Variants in ASXL2 observed in about 807,000 individuals in gnomAD.
ASXL2 encodes the protein ASXL transcriptional regulator 2, also known as putative Polycomb group protein ASXL2.
A neutral mutation model predicts 122.0 loss-of-function variants in ASXL2; 23 were observed. The ratio of observed to expected loss-of-function variants is 0.19; its 90% CI spans 0.14 to 0.27. The LOEUF is 0.27. Ranked by LOEUF, ASXL2 falls within the 10% of genes least tolerant of loss-of-function variation. ASXL2 has a pLI of 1.00. For synonymous variants in ASXL2, 650 were observed against 637.0 expected (o/e 1.02, Z -0.31); for missense variants, 1,518 against 1,713.8 (o/e 0.89, Z 2.02).
At chr2:25,824,720 G>T (rs2089355702) in intron 3 of ASXL2, among the ~76,000 whole-genome samples, 1 of 152,118 alleles carries the variant, frequency 6.6e-6, no homozygotes, top group Non-Finnish European at 1.5e-5. Flanking sequence ...GCAAAATTAT[G>T]ATTCTTAATG....
chr2:25,820,381 T>C (rs920443125), intron 3 of ASXL2, among the ~76,000 whole-genome samples: 2 of 152,168 alleles, frequency 1.3e-5, no homozygotes, highest in Admixed American at 1.3e-4. Flanking sequence ...CAATATACCA[T>C]ATAAAGTTAA....
chr2:25,762,614 G>C (rs1412704989), intron 8 of ASXL2, among the ~76,000 whole-genome samples: 1 of 137,786 alleles, frequency 7.3e-6, no homozygotes, highest in South Asian at 2.3e-4. Flanking sequence ...GCAGTGACCC[G>C]AGATCGCACC....
intron 3 of ASXL2, among the ~76,000 whole-genome samples, chr2:25,821,354 C>G (rs1229380892): frequency 7.1e-6 from 1 of 140,332 alleles, no homozygotes; most frequent in African/African-American, 2.7e-5. Flanking sequence ...AAGACCCTGT[C>G]AGGAAAGAAA....
intron 3 of ASXL2, among the ~76,000 whole-genome samples, chr2:25,808,292 T>A (rs992327770): frequency 6.6e-6 from 1 of 152,054 alleles, no homozygotes; most frequent in Non-Finnish European, 1.5e-5. Flanking sequence ...TAAGGAGAAA[T>A]CCAACACCAA....
chr2:25,848,449 T>C (rs1025988198), intron 1 of ASXL2, among the ~76,000 whole-genome samples: 1 of 151,702 alleles, frequency 6.6e-6, no homozygotes, highest in African/African-American at 2.4e-5. Flanking sequence ...GGTAAAACCC[T>C]GTCTCTACTA....
At chr2:25,863,328 C>CAAAAAAAAAA (rs2089861429) in intron 1 of ASXL2, among the ~76,000 whole-genome samples, 2 of 142,158 alleles carry the variant, frequency 1.4e-5, no homozygotes, top group African/African-American at 5.2e-5. Context: ...GACTCCATCT[C>CAAAAAAAAAA]CAAAAAAAAA....
At chr2:25,822,756 A>C in intron 3 of ASXL2, 1 of 619,626 alleles carries the variant, frequency 1.6e-6, no homozygotes, top group Non-Finnish European at 3.1e-6. Context: ...GGCAAAACTC[A>C]ATTGGCTTAG....
intron 5 of ASXL2, among the ~76,000 whole-genome samples, chr2:25,782,343 C>T (rs1315983087): frequency 1.3e-5 from 2 of 151,396 alleles, no homozygotes; most frequent in Non-Finnish European, 3.0e-5. Flanking sequence ...TCAGGAGTTT[C>T]AGACCAGCCA....
At chr2:25,819,052 C>T (rs142507850) in intron 3 of ASXL2, among the ~76,000 whole-genome samples, 1,629 of 152,272 alleles carry the variant, frequency 0.011, 16 homozygotes, top group Non-Finnish European at 0.017. Flanking sequence ...CAGCCTCTAG[C>T]CAAATGCCAG....
chr2:25,861,595 A>G (rs903016498), intron 1 of ASXL2, among the ~76,000 whole-genome samples: 1 of 152,242 alleles, frequency 6.6e-6, no homozygotes, highest in Non-Finnish European at 1.5e-5. Flanking sequence ...GAAGGAATAC[A>G]AAATGTCCCC....
At chr2:25,779,000 A>C (rs2088590581) in intron 5 of ASXL2, among the ~76,000 whole-genome samples, 1 of 152,078 alleles carries the variant, frequency 6.6e-6, no homozygotes, top group Non-Finnish European at 1.5e-5. Context: ...CAAGAAAAGA[A>C]GTCATCATTT....
At chr2:25,780,262 C>A (rs72799685) in intron 5 of ASXL2, 3 of 150,974 alleles carry the variant, frequency 2.0e-5, no homozygotes, top group Admixed American at 6.6e-5. Context: ...GTTGCCCAGG[C>A]GGGAGCCACT....
At chr2:25,824,965 C>T (rs2089359446) in intron 3 of ASXL2, among the ~76,000 whole-genome samples, 1 of 152,174 alleles carries the variant, frequency 6.6e-6, no homozygotes, top group Admixed American at 6.5e-5. Context: ...TCAGCTTTAG[C>T]TTGCTTTGTC....
chr2:25,868,865 T>TA (rs554526822), intron 1 of ASXL2, among the ~76,000 whole-genome samples: 78 of 152,002 alleles, frequency 5.1e-4, no homozygotes, highest in African/African-American at 1.5e-3. Flanking sequence ...CGCATCTCTA[T>TA]AAAAAATACA....
At position 25,864,076 on chromosome 2, in the gene ASXL2, G is replaced by A. The variant is rs557263814; in HGVS notation, c.57+14090C>T. 2.0e-5 allele frequency among the ~76,000 whole-genome samples: 3 copies of A among 151,812 alleles called. No individual in the cohort carries two copies. The South Asian group carries it at 6.3e-4, about 32-fold the overall frequency. On this transcript the variant is annotated intron_variant, in intron 1 of 12. Coordinates refer to ENST00000435504, the MANE Select transcript of ASXL2 (RefSeq NM_018263.6). ...CTCAATTAAGTGAAGAAAGGTGTGGGAATTTCAGAAAAAGTAAGCAACAAA... is the reference window on the plus strand; with the variant it reads ...CTCAATTAAGTGAAGAAAGGTGTGGAAATTTCAGAAAAAGTAAGCAACAAA...
At chr2:25,841,663 T>C (rs915178146) in intron 2 of ASXL2, among the ~76,000 whole-genome samples, 17 of 151,804 alleles carry the variant, frequency 1.1e-4, no homozygotes, top group African/African-American at 4.1e-4. Context: ...CCTGGCCAAC[T>C]TGGTGAAACC....
chr2:25,767,196 A>T (rs2088367937), intron 8 of ASXL2, among the ~76,000 whole-genome samples: 1 of 152,236 alleles, frequency 6.6e-6, no homozygotes, highest in Non-Finnish European at 1.5e-5. Context: ...ACGCCCTTCT[A>T]TCTTTCTTTA....
At chr2:25,826,627 T>G (rs2089381042) in intron 3 of ASXL2, among the ~76,000 whole-genome samples, 1 of 152,152 alleles carries the variant, frequency 6.6e-6, no homozygotes, top group Non-Finnish European at 1.5e-5. Flanking sequence ...TAAAATACAG[T>G]TGTCAAAACT....
intron 1 of ASXL2, among the ~76,000 whole-genome samples, chr2:25,862,850 C>A (rs1467986350): frequency 6.6e-6 from 1 of 151,948 alleles, no homozygotes. Context: ...AGGTGATCCA[C>A]CTGCCTCGGC....
Sources: allele counts gnomAD v4.1 joint callset (sites outside exome capture counted in the v4.1 genomes callset), GRCh38; gene constraint gnomAD v4.1.1; transcripts MANE v1.5; gene names NCBI Gene and HGNC (gene_info 2026-07-23, HGNC 2026-07-21).